The following CDH13 variants were observed in gnomAD, a reference collection of about 807,000 sequenced individuals.
CDH13 encodes cadherin 13.
Under a neutral mutation model 63.8 loss-of-function variants are expected in CDH13, and 24 were observed. The observed-to-expected ratio is 0.38, with a 90% CI of 0.27 to 0.53. CDH13 has a LOEUF of 0.53. Among genes scored for constraint, CDH13 ranks in the 20% least tolerant of loss-of-function variants. CDH13 has a pLI of 0.85. For missense variants in CDH13, 1,049 were observed against 903.1 expected (o/e 1.16, Z -2.07); for synonymous variants, 503 against 355.3 (o/e 1.42, Z -4.67).
intron 7 of CDH13, among the ~76,000 whole-genome samples, chr16:83,553,405 G>A (rs2075545173): frequency 6.6e-6 from 1 of 152,174 alleles, no homozygotes; most frequent in Non-Finnish European, 1.5e-5. Context: ...TAACTAGTGG[G>A]TGTTTCTTGC....
intron 4 of CDH13, among the ~76,000 whole-genome samples, chr16:83,216,814 A>C (rs2039548478): frequency 6.6e-6 from 1 of 150,934 alleles, no homozygotes; most frequent in African/African-American, 2.4e-5. Context: ...GTATGTGTAT[A>C]TATGTGTATA....
At chr16:82,659,547 ATG>A (rs1345873729) in intron 1 of CDH13, among the ~76,000 whole-genome samples, 1 of 152,216 alleles carries the variant, frequency 6.6e-6, no homozygotes, top group Admixed American at 6.5e-5. Context: ...ATACTCAAAC[ATG>A]TATAATCCAT....
intron 2 of CDH13, among the ~76,000 whole-genome samples, chr16:82,946,924 A>T (rs1195896999): frequency 6.6e-6 from 1 of 152,148 alleles, no homozygotes; most frequent in Non-Finnish European, 1.5e-5. Context: ...TTTATTAGAA[A>T]GGATGCCATA....
At chr16:82,736,543 T>C (rs568806387) in intron 1 of CDH13, among the ~76,000 whole-genome samples, 2 of 152,168 alleles carry the variant, frequency 1.3e-5, no homozygotes, top group Admixed American at 6.5e-5. Flanking sequence ...TGGGGCAGCA[T>C]CCCATTCCAA....
At chr16:83,137,151 G>T (rs1004626987) in intron 4 of CDH13, among the ~76,000 whole-genome samples, 1 of 152,154 alleles carries the variant, frequency 6.6e-6, no homozygotes, top group African/African-American at 2.4e-5. Context: ...TGTTCACCCC[G>T]GGTTGCAGCT....
chr16:82,978,074 A>C (rs1909768622), intron 2 of CDH13, among the ~76,000 whole-genome samples: 1 of 152,138 alleles, frequency 6.6e-6, no homozygotes, highest in Non-Finnish European at 1.5e-5. Flanking sequence ...TGCCCTAGAG[A>C]TCTCTGGCAC....
intron 3 of CDH13, among the ~76,000 whole-genome samples, chr16:83,033,720 G>A (rs12934355): frequency 0.18 from 27,830 of 152,042 alleles, 2,649 homozygotes; most frequent in East Asian, 0.26. Context: ...TGTGCCATTC[G>A]GAGACTTTTT....
At chr16:83,633,695 A>G (rs1199939887) in intron 8 of CDH13, among the ~76,000 whole-genome samples, 1 of 152,156 alleles carries the variant, frequency 6.6e-6, no homozygotes, top group Non-Finnish European at 1.5e-5. Flanking sequence ...GGCTTTCCGT[A>G]GCACTTTCTC....
intron 2 of CDH13, among the ~76,000 whole-genome samples, chr16:82,992,302 G>C (rs1441263593): frequency 6.6e-6 from 1 of 152,142 alleles, no homozygotes; most frequent in Non-Finnish European, 1.5e-5. Flanking sequence ...GTGGGCATCA[G>C]AATCACCAAG....
intron 6 of CDH13, among the ~76,000 whole-genome samples, chr16:83,420,219 A>G (rs1007946105): frequency 1.2e-4 from 18 of 152,188 alleles, no homozygotes; most frequent in Non-Finnish European, 7.4e-5. Context: ...CACAATCTCT[A>G]TGAAGCAATT....
chr16:83,514,264 T>C (rs1163344800), intron 7 of CDH13, among the ~76,000 whole-genome samples: 1 of 152,236 alleles, frequency 6.6e-6, no homozygotes, highest in African/African-American at 2.4e-5. Context: ...AACCTCAGAA[T>C]GTGTCTTTTC....
intron 1 of CDH13, among the ~76,000 whole-genome samples, chr16:82,770,941 C>T (rs35557002): frequency 0.084 from 12,809 of 152,210 alleles, 695 homozygotes; most frequent in Admixed American, 0.16. Flanking sequence ...CTACTAAGCT[C>T]TGAGCTCAGG....
At chr16:83,239,179 G>T (rs1010471981) in intron 5 of CDH13, among the ~76,000 whole-genome samples, 2 of 152,106 alleles carry the variant, frequency 1.3e-5, no homozygotes, top group African/African-American at 4.8e-5. Flanking sequence ...ATAAAGTGAG[G>T]TTTCATTAAT....
intron 1 of CDH13, 51 bp downstream of exon 1, chr16:82,627,188 G>T: frequency 6.6e-7 from 1 of 1,522,632 alleles, no homozygotes; most frequent in South Asian, 1.2e-5. Context: ...TCTGCATTCG[G>T]ATCGCCCGGC....
chr16:83,113,734 C>A (rs58524702), intron 3 of CDH13, among the ~76,000 whole-genome samples: 7,652 of 151,920 alleles, frequency 0.05, 286 homozygotes, highest in African/African-American at 0.1. Context: ...TAACCAGGCA[C>A]AAGAGGGGAG....
intron 6 of CDH13, among the ~76,000 whole-genome samples, chr16:83,465,731 G>A (rs534022750): frequency 3.3e-5 from 5 of 152,300 alleles, no homozygotes; most frequent in African/African-American, 1.2e-4. Context: ...CTGTGGGGTA[G>A]GATGAGATTA....
intron 5 of CDH13, among the ~76,000 whole-genome samples, chr16:83,294,472 A>G (rs1448069802): frequency 2.0e-5 from 3 of 152,134 alleles, no homozygotes; most frequent in Non-Finnish European, 4.4e-5. Flanking sequence ...TAGCATTCAC[A>G]TGGGAATGAG....
At chr16:83,204,342 C>T (rs74031469) in intron 4 of CDH13, among the ~76,000 whole-genome samples, 12,478 of 152,248 alleles carry the variant, frequency 0.082, 1,342 homozygotes, top group African/African-American at 0.25. Flanking sequence ...CAGATTATTA[C>T]CAATACCTAC....
At chr16:82,673,021 T>C (rs1006251043) in intron 1 of CDH13, among the ~76,000 whole-genome samples, 1 of 140,974 alleles carries the variant, frequency 7.1e-6, no homozygotes, top group African/African-American at 2.6e-5. Context: ...TTTTTTTTTG[T>C]AGAGATGATG....
Sources: allele counts gnomAD v4.1 joint callset (sites outside exome capture counted in the v4.1 genomes callset), GRCh38; gene constraint gnomAD v4.1.1; transcripts MANE v1.5; gene names NCBI Gene and HGNC (gene_info 2026-07-23, HGNC 2026-07-21).